PAPLN: variants seen among roughly 807,000 people sequenced by gnomAD.
The protein encoded by PAPLN is papilin, proteoglycan like sulfated glycoprotein.
PAPLN carries 146 observed loss-of-function variants against 159.0 expected under a neutral mutation model. The ratio of observed to expected loss-of-function variants is 0.92; its 90% CI spans 0.80 to 1.05. The LOEUF (loss-of-function observed/expected upper bound fraction) is 1.05. Among genes scored for constraint, PAPLN ranks in the 50% least tolerant of loss-of-function variants. The pLI, the probability that PAPLN is intolerant of heterozygous loss-of-function variation, is 0.00. For missense variants in PAPLN, 1,720 were observed against 1,743.9 expected (o/e 0.99, Z 0.24); for synonymous variants, 734 against 702.9 (o/e 1.04, Z -0.70).
At chr14:73,248,985 G>C (rs980001638) in intron 5 of PAPLN, among the ~76,000 whole-genome samples, 2 of 152,112 alleles carry the variant, frequency 1.3e-5, no homozygotes, top group Non-Finnish European at 2.9e-5. Context: ...AAAAAAATTA[G>C]CTGGGTATGA....
rs1430598237 is a variant in PAPLN, at chr14:73,250,913, G to A, written c.472G>A (p.Gly158Ser). Reference sequence around the variant, plus strand: ...CCCGCATCTCTGCCCACAGGTTGTCGGCTGTGATCACGAGCTGGACTCGTC... The same window carrying A: ...CCCGCATCTCTGCCCACAGGTTGTCAGCTGTGATCACGAGCTGGACTCGTC... Reference protein sequence around the residue: ...VCVDGSCRVVGCDHELDSSKQ... With the variant: ...VCVDGSCRVVSCDHELDSSKQ... Residue 158 changes from glycine to serine, a missense_variant, in exon 7 of 27, where the codon GGC (glycine) becomes AGC (serine). Gly to Ser is a moderately conservative substitution (Grantham distance 56, BLOSUM62 0). Coordinates refer to ENST00000644200, the MANE Select transcript of PAPLN (RefSeq NM_001365906.3). 16 of 1,611,864 alleles carry A rather than the reference G, an allele frequency of 9.9e-6. No individual in the cohort carries two copies. The highest frequency in any genetic ancestry group is 1.4e-5 in the Non-Finnish European group (16 of 1,179,184).
At chr14:73,261,888 T>G (rs1594818811) in intron 18 of PAPLN, among the ~76,000 whole-genome samples, 1 of 151,194 alleles carries the variant, frequency 6.6e-6, no homozygotes, top group Non-Finnish European at 1.5e-5. Context: ...GTGCTGGAGG[T>G]GGGCTCAGTG....
chr14:73,270,223 G>A (rs1887594203), intron 26 of PAPLN, among the ~76,000 whole-genome samples: 1 of 152,226 alleles, frequency 6.6e-6, no homozygotes. Context: ...GCGCTCCGCT[G>A]ACCCGGATCC....
rs372256808 is a variant in PAPLN, at chr14:73,262,700, C to A, written c.2596C>A (p.Pro866Thr). ...GLWRQDQQPG[P>T]GEAPHTQAFG... ...CTGGCGGCAAGACCAACAGCCTGGG[C>A]CAGGGGAGGCCCCCCACACCCAGGC... Residue 866 changes from proline (P) to threonine (T), a missense_variant, in exon 19 of 27, where the codon CCA becomes ACA. Coordinates refer to ENST00000644200, the MANE Select transcript of PAPLN (RefSeq NM_001365906.3). 4 of 1,510,120 alleles carry A rather than the reference C, an allele frequency of 2.6e-6. No individual in the cohort carries two copies. The highest frequency in any genetic ancestry group is 2.3e-5 in the East Asian group (1 of 43,624). The allele number at this position is 1,510,120 out of a possible 1,614,324, so 93.5% of individuals were successfully genotyped here. A position where few individuals can be genotyped will look rare whatever the true frequency, so the allele number is the denominator to read the frequency against.
upstream of PAPLN, among the ~76,000 whole-genome samples, chr14:73,236,891 T>A (rs1594766762): frequency 2.5e-4 from 27 of 108,164 alleles, no homozygotes; most frequent in South Asian, 6.0e-4. Context: ...GGGAGGAAAG[T>A]AGAAAGAAAG....
chr14:73,259,954 G>A (rs1021728092), intron 16 of PAPLN, among the ~76,000 whole-genome samples: 6 of 152,074 alleles, frequency 3.9e-5, no homozygotes, highest in Non-Finnish European at 8.8e-5. Context: ...GAATGGGTCC[G>A]AGTCATCCCA....
chr14:73,239,104 GACACTCCACAC>G (rs1883264457), intron 1 of PAPLN, among the ~76,000 whole-genome samples: 1 of 152,090 alleles, frequency 6.6e-6, no homozygotes, highest in Admixed American at 6.5e-5. Context: ...TCAAACCACA[GACACTCCACAC>G]ACACTGCACT....
intron 14 of PAPLN, 127 bp downstream of exon 14, chr14:73,255,145 C>G (rs1312067491): frequency 7.7e-7 from 1 of 1,303,140 alleles, no homozygotes; most frequent in African/African-American, 1.5e-5. Flanking sequence ...CCCACTTCTC[C>G]CATGTCTCCC....
chr14:73,240,627 G>T (rs943348087), intron 2 of PAPLN, among the ~76,000 whole-genome samples: 2 of 152,066 alleles, frequency 1.3e-5, no homozygotes, highest in Non-Finnish European at 2.9e-5. Context: ...TTAAACAGCC[G>T]CATGCGGCTA....
At chr14:73,246,515 G>A (rs1375317543) in intron 5 of PAPLN, among the ~76,000 whole-genome samples, 1 of 150,584 alleles carries the variant, frequency 6.6e-6, no homozygotes, top group Non-Finnish European at 1.5e-5. Flanking sequence ...GAGGTCCCTC[G>A]AGAGAGAGCA....
Position 73,265,306 on chromosome 14 carries a change from G to A in PAPLN, c.3126-64G>A. 6.3e-7 allele frequency: 1 copy of A among 1,575,196 alleles called. No homozygotes were observed. The highest frequency in any genetic ancestry group is 8.6e-7 in the Non-Finnish European group (1 of 1,165,200). ...GGGGCCACCAGGCTTGTGCAGAGGT[G>A]CCCATGGGAGTAGGCGGGGGCAACG... On this transcript the variant is annotated intron_variant, in intron 22 of 26. Coordinates refer to ENST00000644200, the MANE Select transcript of PAPLN (RefSeq NM_001365906.3). This position sits in a 1 kb window ranked among gnomAD's most constrained non-coding sequence, Gnocchi z 4.1.
Position 73,245,603 on chromosome 14 carries a change from C to T in PAPLN, c.171-33C>T. On this transcript the variant is annotated intron_variant, in intron 3 of 26. Transcript: ENST00000644200. This position sits in a 1 kb window ranked among gnomAD's most constrained non-coding sequence, Gnocchi z 4.2. ...GAACGGGGGCAGGGACGTTGGGTCT[C>T]GGTCAGGTCTTCCCGGTGCTCTGGT... 2 of 1,548,988 alleles carry T rather than the reference C, an allele frequency of 1.3e-6. No homozygotes were observed. Among genetic ancestry groups the T allele is most frequent in the South Asian group, 1.2e-5 (1 of 84,110 alleles).
intron 26 of PAPLN, among the ~76,000 whole-genome samples, chr14:73,271,866 A>C (rs528691910): frequency 2.7e-5 from 3 of 109,274 alleles, no homozygotes; most frequent in African/African-American, 1.2e-4. Flanking sequence ...AGAGAAAACA[A>C]GGGCTTTGCT....
intron 13 of PAPLN, 84 bp from the exon 14 acceptor site, chr14:73,254,793 C>A: frequency 1.9e-6 from 3 of 1,590,714 alleles, no homozygotes; most frequent in Non-Finnish European, 2.6e-6. Context: ...CGCCACTGGG[C>A]ACCTTCCCCT....
rs139971107 is a variant in PAPLN at position 73,262,801 on chromosome 14, G to A, written c.2697G>A (p.Ala899=). The change falls in exon 19 of 27, where the codon GCG becomes GCA. Residue 899 remains alanine (A), a synonymous_variant. Coordinates refer to ENST00000644200, the MANE Select transcript of PAPLN (RefSeq NM_001365906.3). ...PGLGGDAGSP[A]PPFHSSSYRI... ...TGGGTGGAGATGCCGGATCACCAGC[G>A]CCACCCTTCCACAGCTCCTCCTACA... is the stretch of plus-strand genomic sequence containing the variant. 34 of 1,494,526 alleles carry A rather than the reference G, an allele frequency of 2.3e-5. No individual in the cohort carries two copies. In the African/African-American group the frequency reaches 3.1e-4, roughly 14 times the overall value. The allele number at this position is 1,494,526 out of a possible 1,614,324, so 92.6% of individuals were successfully genotyped here. A position where few individuals can be genotyped will look rare whatever the true frequency, so the allele number is the denominator to read the frequency against.
Position 73,245,071 on chromosome 14 carries a change from A to G in PAPLN, c.170+312A>G, listed in dbSNP as rs964673034. ...AACTGGTAAATAATCTTCAACCGGC[A>G]GTTCCCAATTCCTGTGGTTTCTTTA... On this transcript the variant is annotated intron_variant, in intron 3 of 26. Coordinates refer to ENST00000644200, the MANE Select transcript of PAPLN (RefSeq NM_001365906.3). The surrounding 1 kb of genome is among the most constrained non-coding windows in gnomAD (Gnocchi z 4.2). 8 of 259,586 alleles carry G rather than the reference A, an allele frequency of 3.1e-5. No homozygotes were observed. The Admixed American group carries it at 3.9e-4, about 13-fold the overall frequency. The allele number at this position is 259,586 out of a possible 1,614,324, so 16.1% of individuals were successfully genotyped here.
intron 19 of PAPLN, 44 bp downstream of exon 19, chr14:73,262,871 C>T: frequency 2.9e-6 from 4 of 1,396,208 alleles, no homozygotes; most frequent in Non-Finnish European, 3.7e-6. Flanking sequence ...GACGCCCAGA[C>T]AAGGAGCATG....
At position 73,253,742 on chromosome 14, in the gene PAPLN, C is replaced by A; in HGVS notation, c.1095-12C>A. 6.3e-7 allele frequency: 1 copy of A among 1,583,848 alleles called. No individual in the cohort carries two copies. The highest frequency in any genetic ancestry group is 1.1e-5 in the South Asian group (1 of 87,618). On this transcript the variant is annotated splice_polypyrimidine_tract_variant and intron_variant, in intron 11 of 26. Transcript: ENST00000644200. ...TCCTGGGCCAGCCTTACCTGATTCCCCCTCCTGCCAGCTGGAAGGCAGGGC... is the reference window on the plus strand; with the variant it reads ...TCCTGGGCCAGCCTTACCTGATTCCACCTCCTGCCAGCTGGAAGGCAGGGC...
In PAPLN at chr14:73,272,974, A is replaced by T. The variant is rs1887867548; in HGVS notation, c.*310A>T. 2 of 232,256 alleles carry T rather than the reference A, an allele frequency of 8.6e-6. No homozygotes were observed. Among genetic ancestry groups the T allele is most frequent in the East Asian group, 1.8e-4 (2 of 11,252 alleles). 14.4% of individuals were successfully genotyped at this position (232,256 alleles called of 1,614,324 possible). A position where few individuals can be genotyped will look rare whatever the true frequency, so the allele number is the denominator to read the frequency against. On this transcript the variant is annotated 3_prime_UTR_variant, in exon 27 of 27. Coordinates refer to ENST00000644200, the MANE Select transcript of PAPLN (RefSeq NM_001365906.3). ...TATAATTTGTTACACAGGAATAGTT[A>T]AATGCATTTGTTTGTTTGTTTTTTG...
Sources: gnomAD v4.1 joint callset for allele counts (sites outside exome capture counted in the v4.1 genomes callset) on GRCh38, gnomAD v4.1.1 for gene constraint, Gnocchi (gnomAD v3.1) non-coding constraint, MANE v1.5 for transcripts, NCBI Gene and HGNC (gene_info 2026-07-23, HGNC 2026-07-21) for gene names.